ZNF205: variants seen among roughly 807,000 people sequenced by gnomAD.
ZNF205 encodes the protein transcriptional repressor RHIT.
A neutral mutation model predicts 53.6 loss-of-function variants in ZNF205; 32 were observed. That is an observed-to-expected ratio of 0.60 (90% CI 0.45 to 0.80). ZNF205 has a LOEUF of 0.80. Ranked by LOEUF, ZNF205 falls within the 30% of genes least tolerant of loss-of-function variation. The pLI is 0.00. For synonymous variants in ZNF205, 382 were observed against 334.3 expected (o/e 1.14, Z -1.56); for missense variants, 836 against 782.4 (o/e 1.07, Z -0.82).
chr16:3,119,113 C>G, intron 6 of ZNF205, 98 bp downstream of exon 6: 2 of 1,518,798 alleles, frequency 1.3e-6, no homozygotes, highest in Non-Finnish European at 1.8e-6. Context: ...ACCAGACCCC[C>G]TCCTGGGCGG....
chr16:3,120,435 G>C lies in ZNF205; in HGVS notation c.*110G>C. The C allele has an allele frequency of 1.6e-6, 2 of 1,278,092 alleles. No homozygotes were observed. Among genetic ancestry groups the C allele is most frequent in the Non-Finnish European group, 2.1e-6 (2 of 956,698 alleles). The allele number at this position is 1,278,092 out of a possible 1,614,324, so 79.2% of individuals were successfully genotyped here. ...TCGGGAAGGGAGCTGGGGCGGTGAG[G>C]GCATGGGGTGAGGCATGGCGATGGG... On this transcript the variant is annotated 3_prime_UTR_variant, in exon 7 of 7. Transcript: ENST00000219091.
At position 3,115,427 on chromosome 16, in the gene ZNF205, C is replaced by A; in HGVS notation, c.130C>A (p.Gln44Lys). 1 of 1,612,510 alleles carries A rather than the reference C, an allele frequency of 6.2e-7. No homozygotes were observed. Among genetic ancestry groups the A allele is most frequent in the South Asian group, 1.1e-5 (1 of 90,826 alleles). ...LGEAVPSGDT[Q>K]ESLHIKMEPE... ...GGAGGCGGTACCTTCAGGGGACACTCAGGAGTCACTGCACATTAAGATGGA... is the reference window on the plus strand; with the variant it reads ...GGAGGCGGTACCTTCAGGGGACACTAAGGAGTCACTGCACATTAAGATGGA... The change falls in exon 3 of 7, where the codon CAG becomes AAG. Residue 44 changes from glutamine (Q) to lysine (K), a missense_variant. Coordinates refer to ENST00000219091, the MANE Select transcript of ZNF205 (RefSeq NM_001042428.2).
chr16:3,120,229 G>A lies in ZNF205; in HGVS notation c.1569G>A (p.Glu523=). The A allele has an allele frequency of 6.2e-7, 1 of 1,609,208 alleles. No individual in the cohort carries two copies. Among genetic ancestry groups the A allele is most frequent in the Non-Finnish European group, 8.5e-7 (1 of 1,179,696 alleles). The change falls in exon 7 of 7, where the codon GAG becomes GAA. Residue 523 remains glutamate (E), a synonymous_variant. Coordinates refer to ENST00000219091, the MANE Select transcript of ZNF205 (RefSeq NM_001042428.2). The stretch of plus-strand genomic sequence containing the variant: ...GGCGCTCCAACCTGCACCGGCACGA[G>A]AAGATCCACACCACCGGGCCCAAGG... ...FSRRSNLHRH[E]KIHTTGPKAL... is the part of the protein sequence containing the mutation.
intron 3 of ZNF205, 113 bp from the exon 4 acceptor site, chr16:3,115,716 A>C (rs1238647962): frequency 9.3e-6 from 13 of 1,392,452 alleles, no homozygotes; most frequent in Non-Finnish European, 9.7e-6. Flanking sequence ...GCAGCGTCAG[A>C]GCCATCCGAC....
At chr16:3,113,137 G>A (rs2280950) in intron 1 of ZNF205, among the ~76,000 whole-genome samples, 44,622 of 152,132 alleles carry the variant, frequency 0.29, 8,173 homozygotes, top group South Asian at 0.43. Context: ...ACTGAGATGC[G>A]AGGCTCTTGC....
chr16:3,116,522 G>A lies in ZNF205; in HGVS notation c.459G>A (p.Leu153=), dbSNP rs1957347885. 6.2e-7 allele frequency: 1 copy of A among 1,614,036 alleles called. No homozygotes were observed. Among genetic ancestry groups the A allele is most frequent in the African/African-American group, 1.3e-5 (1 of 75,058 alleles). The change falls in exon 5 of 7, where the codon CTG becomes CTA. Residue 153 remains leucine (L), a synonymous_variant. Coordinates refer to ENST00000219091, the MANE Select transcript of ZNF205 (RefSeq NM_001042428.2). ...AGCAGAACTTCTACAGGGATGTCCT[G>A]CAGAAGAAAAATGGGCTGTCACTGG... is the stretch of plus-strand genomic sequence containing the variant. The part of the protein sequence containing the change: ...HTQQNFYRDV[L]QKKNGLSLGF...
At chr16:3,118,620 G>A (rs1289189893) in intron 5 of ZNF205, among the ~76,000 whole-genome samples, 1 of 152,128 alleles carries the variant, frequency 6.6e-6, no homozygotes, top group Non-Finnish European at 1.5e-5. Context: ...GTGGGTGTAG[G>A]AGCGGGATAC....
Position 3,120,384 on chromosome 16 carries a change from A to T in ZNF205, c.*59A>T. ...CCACTGGAACAGCCCCACTGGAGTC[A>T]AGGCTCCGAGGGAGGAGAGAGGGGC... On this transcript the variant is annotated 3_prime_UTR_variant, in exon 7 of 7. Transcript: ENST00000219091. 6.9e-7 allele frequency: 1 copy of T among 1,441,622 alleles called. No homozygotes were observed. The highest frequency in any genetic ancestry group is 9.1e-7 in the Non-Finnish European group (1 of 1,101,916). 89.3% of individuals were successfully genotyped at this position (1,441,622 alleles called of 1,614,324 possible). A position where few individuals can be genotyped will look rare whatever the true frequency, so the allele number is the denominator to read the frequency against.
In ZNF205 at chr16:3,118,889, A is replaced by C; in HGVS notation, c.485-16A>C. ...GCCAGAAGGCCTGTGACAGCACAGC[A>C]TCTCTTTCTGGGCAGGCTTTCCCTT... On this transcript the variant is annotated splice_polypyrimidine_tract_variant and intron_variant, in intron 5 of 6. Transcript: ENST00000219091. 2 of 1,612,504 alleles carry C rather than the reference A, an allele frequency of 1.2e-6. No homozygotes were observed. The highest frequency in any genetic ancestry group is 1.7e-6 in the Non-Finnish European group (2 of 1,179,446).
In ZNF205 at chr16:3,115,405, G is replaced by A. The variant is rs1957328133; in HGVS notation, c.108G>A (p.Glu36=). Reference sequence around the variant, plus strand: ...AGGAAATGCCTTCTAAGCTGGGGGAGGCGGTACCTTCAGGGGACACTCAGG... The same window carrying A: ...AGGAAATGCCTTCTAAGCTGGGGGAAGCGGTACCTTCAGGGGACACTCAGG... The part of the protein sequence containing the change: ...PHQEMPSKLG[E]AVPSGDTQES... Residue 36 remains glutamate, a synonymous_variant, in exon 3 of 7, where the codon GAG becomes GAA. Transcript: ENST00000219091. 1 of 1,610,382 alleles carries A rather than the reference G, an allele frequency of 6.2e-7. No homozygotes were observed. Among genetic ancestry groups the A allele is most frequent in the Non-Finnish European group, 8.5e-7 (1 of 1,178,316 alleles).
In ZNF205 at chr16:3,116,146, C is replaced by A. The variant is rs1567176554; in HGVS notation, c.363+226C>A. The A allele has an allele frequency of 6.2e-6, 4 of 650,282 alleles. No homozygotes were observed. In the Admixed American group the frequency reaches 1.2e-4, roughly 20 times the overall value. The allele number at this position is 650,282 out of a possible 1,614,324, so 40.3% of individuals were successfully genotyped here. On this transcript the variant is annotated intron_variant, in intron 4 of 6. Coordinates refer to ENST00000219091, the MANE Select transcript of ZNF205 (RefSeq NM_001042428.2). Reference sequence around the variant, plus strand: ...GAGACACAGGGCCTCTCGCTGGTAGCCGTTGGGAACCGTCCTCCGAGGTCT... The same window carrying A: ...GAGACACAGGGCCTCTCGCTGGTAGACGTTGGGAACCGTCCTCCGAGGTCT...
At chr16:3,117,412 T>G (rs1957358962) in intron 5 of ZNF205, among the ~76,000 whole-genome samples, 1 of 150,054 alleles carries the variant, frequency 6.7e-6, no homozygotes, top group African/African-American at 2.4e-5. Flanking sequence ...TCCCTTTGTT[T>G]CTTGGATGTT....
chr16:3,112,675 C>A lies in ZNF205; in HGVS notation c.-22C>A. 3.3e-6 allele frequency: 1 copy of A among 303,690 alleles called. No individual in the cohort carries two copies. Among genetic ancestry groups the A allele is most frequent in the Non-Finnish European group, 6.6e-6 (1 of 151,036 alleles). 18.8% of individuals were successfully genotyped at this position (303,690 alleles called of 1,614,324 possible). A position where few individuals can be genotyped will look rare whatever the true frequency, so the allele number is the denominator to read the frequency against. ...ACTGCCGCAGGTGCCCCCTCTGCCTCCACCCCGGTGAGAAGGGGGTGCTGG... is the reference window on the plus strand; with the variant it reads ...ACTGCCGCAGGTGCCCCCTCTGCCTACACCCCGGTGAGAAGGGGGTGCTGG... On this transcript the variant is annotated 5_prime_UTR_variant, in exon 1 of 7. Coordinates refer to ENST00000219091, the MANE Select transcript of ZNF205 (RefSeq NM_001042428.2).
chr16:3,114,402 G>C (rs1484387541), intron 2 of ZNF205, among the ~76,000 whole-genome samples: 2 of 152,156 alleles, frequency 1.3e-5, no homozygotes, highest in African/African-American at 4.8e-5. Flanking sequence ...CTGCCTGATT[G>C]GGGAGGGGTG....
At position 3,115,454 on chromosome 16, in the gene ZNF205, CCCGAAGAGCCACA is replaced by C; in HGVS notation, c.159_171del (p.Glu54ProfsTer19). 6.2e-7 allele frequency: 1 copy of C among 1,612,198 alleles called. No homozygotes were observed. The highest frequency in any genetic ancestry group is 8.5e-7 in the Non-Finnish European group (1 of 1,179,100). On this transcript the variant is annotated frameshift_variant, in exon 3 of 7. Coordinates refer to ENST00000219091, the MANE Select transcript of ZNF205 (RefSeq NM_001042428.2). LOFTEE classifies it high-confidence loss of function. ...GGAGTCACTGCACATTAAGATGGAG[CCCGAAGAGCCACA>C]CTCCGAGGGGGCATCGCAGGAGGAT...
At chr16:3,115,030 T>C in intron 2 of ZNF205, 1 of 223,244 alleles carries the variant, frequency 4.5e-6, no homozygotes, top group East Asian at 8.7e-5. Flanking sequence ...ACACGGATTC[T>C]TAGAGGACAC....
At chr16:3,113,324 GGCTGGTTTCTGTCT>G in intron 1 of ZNF205, 79 bp from the exon 2 acceptor site, 1 of 1,249,670 alleles carries the variant, frequency 8.0e-7, no homozygotes, top group Non-Finnish European at 1.1e-6. Flanking sequence ...AGGAAGCGAG[GGCTGGTTTCTGTCT>G]GCTCTTCTAG....
At position 3,119,498 on chromosome 16, in the gene ZNF205, G is replaced by C. The variant is rs771855876; in HGVS notation, c.838G>C (p.Glu280Gln). 2 of 1,595,912 alleles carry C rather than the reference G, an allele frequency of 1.3e-6. 1 individual carries two copies. The highest frequency in any genetic ancestry group is 2.2e-5 in the South Asian group (2 of 89,240). The change falls in exon 7 of 7, where the codon GAG becomes CAG. Residue 280 changes from glutamate (E) to glutamine (Q), a missense_variant. Physicochemically the swap from Glu to Gln is conservative, Grantham distance 29. Coordinates refer to ENST00000219091, the MANE Select transcript of ZNF205 (RefSeq NM_001042428.2). ...GGAGCCCCAGGAGTACCGCGTCCCG[G>C]AGAAGCCCAACGAGGAGGAGAAGGG... ...PTEPQEYRVP[E>Q]KPNEEEKGAP...
rs773412496 is a variant in ZNF205, at chr16:3,119,591, G to A, written c.931G>A (p.Glu311Lys). Residue 311 changes from glutamate (E) to lysine (K), a missense_variant, in exon 7 of 7, where the codon GAG (glutamate) becomes AAG (lysine). Glu to Lys is a moderately conservative substitution (Grantham distance 56, BLOSUM62 1). Coordinates refer to ENST00000219091, the MANE Select transcript of ZNF205 (RefSeq NM_001042428.2). ...GGTGGGCAGGAAGAGCTACCGGTGCGAGCAGTGCGGCAAGGGCTTCAGCTG... is the reference window on the plus strand; with the variant it reads ...GGTGGGCAGGAAGAGCTACCGGTGCAAGCAGTGCGGCAAGGGCTTCAGCTG... The part of the protein sequence containing the change: ...SEVGRKSYRC[E>K]QCGKGFSWHS... 1.2e-6 allele frequency: 2 copies of A among 1,609,238 alleles called. No individual in the cohort carries two copies. Among genetic ancestry groups the A allele is most frequent in the Non-Finnish European group, 8.5e-7 (1 of 1,178,364 alleles).
Sources: allele counts gnomAD v4.1 joint callset (sites outside exome capture counted in the v4.1 genomes callset), GRCh38; gene constraint gnomAD v4.1.1; transcripts MANE v1.5; gene names NCBI Gene and HGNC (gene_info 2026-07-23, HGNC 2026-07-21).